Variants in ACIN1 observed in about 807,000 individuals in gnomAD.
ACIN1 encodes apoptotic chromatin condensation inducer in the nucleus.
In ACIN1, 16 loss-of-function variants were observed where a neutral mutation model predicts 146.6. That is an observed-to-expected ratio of 0.11 (90% CI 0.07 to 0.17). ACIN1 has a LOEUF of 0.17. Among genes scored for constraint, ACIN1 ranks in the 10% least tolerant of loss-of-function variants. The pLI, the probability that ACIN1 is intolerant of heterozygous loss-of-function variation, is 1.00. For synonymous variants in ACIN1, 569 were observed against 582.7 expected, an observed-to-expected ratio of 0.98 and a Z score of 0.34; for missense variants, 1,357 against 1,609.3, an observed-to-expected ratio of 0.84 and a Z score of 2.68.
At position 23,080,616 on chromosome 14, in the gene ACIN1, G is replaced by T. The variant is rs764350354; in HGVS notation, c.719C>A (p.Ala240Glu). 1 of 1,613,980 alleles carries T rather than the reference G, an allele frequency of 6.2e-7. No individual in the cohort carries two copies. Among genetic ancestry groups the T allele is most frequent in the Non-Finnish European group, 8.5e-7 (1 of 1,179,986 alleles). The change falls in exon 6 of 19, where the codon GCA becomes GAA. Residue 240 changes from alanine (A) to glutamate (E), a missense_variant. Physicochemically the swap from Ala to Glu is moderately radical, Grantham distance 107. Around this residue, in one of 4 missense-constraint regions of ACIN1, gnomAD observed 771 missense variants for 746.6 expected, o/e 1.03. Coordinates refer to ENST00000605057, the MANE Select transcript of ACIN1 (RefSeq NM_001386863.1). ...GDDEGQKSRE[A>E]PILKEFKEEG... Reference sequence around the variant, plus strand: ...TTCCTTAAACTCTTTCAGGATTGGTGCCTCCCTAGATTTTTGTCCCTCATC... The same window carrying T: ...TTCCTTAAACTCTTTCAGGATTGGTTCCTCCCTAGATTTTTGTCCCTCATC...
Position 23,059,203 on chromosome 14 carries a change from T to C in ACIN1, c.3797A>G (p.His1266Arg), listed in dbSNP as rs2047187272. 1.2e-6 allele frequency: 2 copies of C among 1,614,030 alleles called. No homozygotes were observed. Among genetic ancestry groups the C allele is most frequent in the South Asian group, 2.2e-5 (2 of 91,060 alleles). ...TGTGCTCCGACTCCGGCTTCTGCTGTGGCGCTTGGTGTCCCTGCGATCCCT... is the reference window on the plus strand; with the variant it reads ...TGTGCTCCGACTCCGGCTTCTGCTGCGGCGCTTGGTGTCCCTGCGATCCCT... Reference protein sequence around the residue: ...RERDRRDTKRHSRSRSRSTPV... With the variant: ...RERDRRDTKRRSRSRSRSTPV... Residue 1266 changes from histidine to arginine, a missense_variant, in exon 19 of 19, where the codon CAC (histidine) becomes CGC (arginine). His to Arg is a conservative substitution (Grantham distance 29, BLOSUM62 0). This residue lies in a region of ACIN1 where 509 missense variants were observed against 719.6 expected (regional missense o/e 0.71). Coordinates refer to ENST00000605057, the MANE Select transcript of ACIN1 (RefSeq NM_001386863.1).
intron 3 of ACIN1, 118 bp downstream of exon 3, chr14:23,090,404 G>GT: frequency 1.1e-6 from 1 of 944,796 alleles, no homozygotes; most frequent in Non-Finnish European, 1.6e-6. Context: ...ATGAAAGCAA[G>GT]TAAGTAGCAG....
At position 23,079,878 on chromosome 14, in the gene ACIN1, T is replaced by G; in HGVS notation, c.1457A>C (p.Glu486Ala). The change falls in exon 6 of 19, where the codon GAA becomes GCA. Residue 486 changes from glutamate (E) to alanine (A), a missense_variant. By Grantham distance (107) the Glu-to-Ala change is moderately radical. Coordinates refer to ENST00000605057, the MANE Select transcript of ACIN1 (RefSeq NM_001386863.1). ...CAAAGATGGCTGTTTCAGACATTCT[T>G]CAGTGATTCCTTTGGCCAGTGCTAA... ...EELALAKGIT[E>A]ECLKQPSLEQ... 7.4e-6 allele frequency: 12 copies of G among 1,614,194 alleles called. No individual in the cohort carries two copies. The highest frequency in any genetic ancestry group is 9.3e-6 in the Non-Finnish European group (11 of 1,180,028).
rs1028336227 is a variant in ACIN1, at chr14:23,086,795, T to A, written c.436+3187A>T. Among the ~76,000 whole-genome samples the A allele has an allele frequency of 2.2e-4, 34 of 152,202 alleles. 1 individual carries two copies. The highest frequency in any genetic ancestry group is 8.2e-4 in the African/African-American group (34 of 41,446). ...TGGACAAACCAATTCTTCCTTCCTA[T>A]TTGGAATTTTGCCAATAGCATATAA... On this transcript the variant is annotated intron_variant, in intron 4 of 18. Coordinates refer to ENST00000605057, the MANE Select transcript of ACIN1 (RefSeq NM_001386863.1).
At chr14:23,072,279 G>A (rs1360141564) in intron 8 of ACIN1, among the ~76,000 whole-genome samples, 2 of 152,158 alleles carry the variant, frequency 1.3e-5, no homozygotes, top group Admixed American at 6.5e-5. Flanking sequence ...GTTTTATAGA[G>A]TCTTTAATAA....
At chr14:23,095,232 C>T, upstream of ACIN1, 1 of 1,612,002 alleles carries the variant, frequency 6.2e-7, no homozygotes. Context: ...CCTCGATTAC[C>T]ACTCAGAACT....
chr14:23,080,358 G>C lies in ACIN1; in HGVS notation c.977C>G (p.Ser326Trp), dbSNP rs745432174. The C allele has an allele frequency of 1.2e-6, 2 of 1,614,120 alleles. No individual in the cohort carries two copies. The highest frequency in any genetic ancestry group is 1.3e-5 in the African/African-American group (1 of 75,020). Residue 326 changes from serine to tryptophan, a missense_variant, in exon 6 of 19, where the codon TCG becomes TGG. By Grantham distance (177) the Ser-to-Trp change is radical. Around this residue, in one of 4 missense-constraint regions of ACIN1, gnomAD observed 771 missense variants for 746.6 expected, o/e 1.03. Coordinates refer to ENST00000605057, the MANE Select transcript of ACIN1 (RefSeq NM_001386863.1). ...IKSSQGLKEK[S>W]KSPSPPRLTE... ...CAGTCGAGGAGGGGAAGGAGACTTC[G>C]ATTTTTCCTTTAAGCCTTGTGAAGA...
At position 23,067,625 on chromosome 14, in the gene ACIN1, CT is replaced by C. The variant is rs2047500796; in HGVS notation, c.2266-1618del. The C allele has an allele frequency of 1.0e-6, 1 of 985,814 alleles. No individual in the cohort carries two copies. Among genetic ancestry groups the C allele is most frequent in the Admixed American group, 6.1e-5 (1 of 16,266 alleles). 61.1% of individuals were successfully genotyped at this position (985,814 alleles called of 1,614,324 possible). A position where few individuals can be genotyped will look rare whatever the true frequency, so the allele number is the denominator to read the frequency against. On this transcript the variant is annotated intron_variant, in intron 9 of 18. Transcript: ENST00000605057. The surrounding 1 kb of genome is among the most constrained non-coding windows in gnomAD (Gnocchi z 4.6). ...AGGGGCAGAGACATCAGTCCTGGCC[CT>C]GAAGGGACATCATCTTGCAGTCCCT...
chr14:23,068,645 T>C lies in ACIN1; in HGVS notation c.2265+831A>G. On this transcript the variant is annotated intron_variant, in intron 9 of 18. Coordinates refer to ENST00000605057, the MANE Select transcript of ACIN1 (RefSeq NM_001386863.1). This position sits in a 1 kb window ranked among gnomAD's most constrained non-coding sequence, Gnocchi z 4.3. ...TGGCCAGTTGGGCAGGGTTATATTT[T>C]ACGGGCGGATTACCGTACATGAGGT... 1 of 985,920 alleles carries C rather than the reference T, an allele frequency of 1.0e-6. No individual in the cohort carries two copies. The highest frequency in any genetic ancestry group is 1.2e-6 in the Non-Finnish European group (1 of 829,968). The allele number at this position is 985,920 out of a possible 1,614,324, so 61.1% of individuals were successfully genotyped here.
chr14:23,067,467 C>T lies in ACIN1; in HGVS notation c.2266-1459G>A, dbSNP rs920224733. ...TGGGCGCACGGCGTGGTAGTCAGCA[C>T]GGCACTGCCAGAGTCCTCCCAGGGG... On this transcript the variant is annotated intron_variant, in intron 9 of 18. Coordinates refer to ENST00000605057, the MANE Select transcript of ACIN1 (RefSeq NM_001386863.1). The surrounding 1 kb of genome is among the most constrained non-coding windows in gnomAD (Gnocchi z 4.6). 1 of 969,208 alleles carries T rather than the reference C, an allele frequency of 1.0e-6. No individual in the cohort carries two copies. The highest frequency in any genetic ancestry group is 4.9e-5 in the South Asian group (1 of 20,204). The allele number at this position is 969,208 out of a possible 1,614,324, so 60.0% of individuals were successfully genotyped here.
Position 23,061,286 on chromosome 14 carries a change from C to T in ACIN1, c.3424+12G>A, listed in dbSNP as rs1251539319. ...ACTAGTGGGTATGCGTACCCCATAG[C>T]TAAGTACCTACCTTTCTTCTCACTC... On this transcript the variant is annotated intron_variant, in intron 17 of 18. Coordinates refer to ENST00000605057, the MANE Select transcript of ACIN1 (RefSeq NM_001386863.1). The T allele has an allele frequency of 1.9e-6, 3 of 1,613,736 alleles. No homozygotes were observed. The highest frequency in any genetic ancestry group is 2.2e-5 in the South Asian group (2 of 91,056).
intron 12 of ACIN1, 34 bp downstream of exon 12, chr14:23,064,071 C>A (rs370843926): frequency 6.2e-7 from 1 of 1,612,440 alleles, no homozygotes; most frequent in South Asian, 1.1e-5. Context: ...ACTGCTCCCA[C>A]CTTTCCCCTG....
chr14:23,077,932 C>A, intron 8 of ACIN1: 2 of 367,838 alleles, frequency 5.4e-6, no homozygotes, highest in Non-Finnish European at 9.9e-6. Flanking sequence ...TGGATGATCC[C>A]AGGTGAGTTT....
At chr14:23,077,107 A>G (rs564563675) in intron 8 of ACIN1, among the ~76,000 whole-genome samples, 1 of 152,356 alleles carries the variant, frequency 6.6e-6, no homozygotes, top group South Asian at 2.1e-4. Context: ...GGTAAAAGCT[A>G]TATAGTAAGG....
At chr14:23,089,938 AC>A (rs765448459) in intron 4 of ACIN1, 43 bp downstream of exon 4, 1 of 1,539,882 alleles carries the variant, frequency 6.5e-7, no homozygotes, top group African/African-American at 1.4e-5. Context: ...CCCACCAACT[AC>A]GCAGGATTGA....
At chr14:23,088,929 C>T (rs1376831305) in intron 4 of ACIN1, among the ~76,000 whole-genome samples, 5 of 152,188 alleles carry the variant, frequency 3.3e-5, no homozygotes, top group African/African-American at 4.8e-5. Flanking sequence ...GCATGCTCAA[C>T]CTGCACATAT....
Position 23,079,956 on chromosome 14 carries a change from A to G in ACIN1, c.1379T>C (p.Leu460Pro). ...AGCAGATCTGTCTGACTCAGGTTCA[A>G]GATCCTTCTGGGCTGAGTAGTCAGC... ...TLADYSAQKD[L>P]EPESDRSAQP... Residue 460 changes from leucine (L) to proline (P), a missense_variant, in exon 6 of 19, where the codon CTT (leucine) becomes CCT (proline). This residue lies in a region of ACIN1 where 771 missense variants were observed against 746.6 expected (regional missense o/e 1.03). Transcript: ENST00000605057. 1 of 1,614,108 alleles carries G rather than the reference A, an allele frequency of 6.2e-7. No homozygotes were observed. The highest frequency in any genetic ancestry group is 2.2e-5 in the East Asian group (1 of 44,878).
rs60168438 is a variant in ACIN1 at position 23,061,413 on chromosome 14, T to C, written c.3309A>G (p.Ser1103=). ...REMERRERTR[S]EREWDRDKVR... is the part of the protein sequence containing the mutation. ...CTTTGTCCCGATCCCATTCACGCTC[T>C]GATCGAGTCCGCTCCCGCCGCTCCA... The change falls in exon 17 of 19, where the codon TCA becomes TCG. Residue 1103 remains serine (S), a synonymous_variant. Coordinates refer to ENST00000605057, the MANE Select transcript of ACIN1 (RefSeq NM_001386863.1). 0.24 allele frequency: 389,028 copies of C among 1,613,664 alleles called. 47,533 individuals are homozygous for C. The highest frequency in any genetic ancestry group is 0.31 in the Middle Eastern group (1,898 of 6,062).
In ACIN1 at chr14:23,059,332, C is replaced by T. The variant is rs927240283; in HGVS notation, c.3668G>A (p.Arg1223Gln). 2 of 1,605,834 alleles carry T rather than the reference C, an allele frequency of 1.2e-6. No individual in the cohort carries two copies. The highest frequency in any genetic ancestry group is 2.7e-5 in the African/African-American group (2 of 74,850). The change falls in exon 19 of 19, where the codon CGG (arginine) becomes CAG (glutamine). Residue 1223 changes from arginine (R) to glutamine (Q), a missense_variant. Transcript: ENST00000605057. ...CCTGTCCCTCTCCCGACTGTGCTCC[C>T]GACGTTTCTCTCGCTCCAGCTGTCG... The part of the protein sequence containing the change: ...RNRQLEREKR[R>Q]EHSRERDRER...
Sources: allele counts gnomAD v4.1 joint callset (sites outside exome capture counted in the v4.1 genomes callset), GRCh38; gene constraint gnomAD v4.1.1; regional missense constraint gnomAD v4.1.1; non-coding constraint Gnocchi (gnomAD v3.1); transcripts MANE v1.5; gene names NCBI Gene and HGNC (gene_info 2026-07-23, HGNC 2026-07-21).